EIF4G3: variants seen among roughly 807,000 people sequenced by gnomAD.
EIF4G3 encodes eIF-4-gamma 3.
In EIF4G3, 34 loss-of-function variants were observed where a neutral mutation model predicts 186.4. That is an observed-to-expected ratio of 0.18 (90% CI 0.14 to 0.24). The LOEUF is 0.24. Ranked by LOEUF, EIF4G3 falls within the 10% of genes least tolerant of loss-of-function variation. The pLI is 1.00. For missense variants in EIF4G3, 1,536 were observed against 1,948.5 expected, an observed-to-expected ratio of 0.79 and a Z score of 3.99; for synonymous variants, 673 against 679.5, an observed-to-expected ratio of 0.99 and a Z score of 0.15.
intron 13 of EIF4G3, among the ~76,000 whole-genome samples, chr1:20,949,717 C>T (rs2096123192): frequency 6.6e-6 from 1 of 152,142 alleles, no homozygotes; most frequent in Non-Finnish European, 1.5e-5. Context: ...TTTCTCCCTC[C>T]ACTTCCCACC....
intron 4 of EIF4G3, among the ~76,000 whole-genome samples, chr1:21,048,454 C>CCCTGGTTCCTGGTT (rs535129239): frequency 6.6e-6 from 1 of 152,034 alleles, no homozygotes; most frequent in Non-Finnish European, 1.5e-5. Flanking sequence ...GGGTTTTGCT[C>CCCTGGTTCCTGGTT]CCTGGTTCCT....
At chr1:20,966,135 TCCCTCG>T (rs1268793986) in intron 12 of EIF4G3, among the ~76,000 whole-genome samples, 1 of 152,190 alleles carries the variant, frequency 6.6e-6, no homozygotes, top group Non-Finnish European at 1.5e-5. Flanking sequence ...GACTGGGACT[TCCCTCG>T]GTGATAGGGA....
intron 4 of EIF4G3, among the ~76,000 whole-genome samples, chr1:21,005,683 G>A (rs1354646844): frequency 1.3e-5 from 2 of 152,108 alleles, no homozygotes; most frequent in Non-Finnish European, 2.9e-5. Context: ...CAAAGATAAA[G>A]TTCTTTTGTT....
At chr1:21,158,482 T>C (rs2097701279) in intron 2 of EIF4G3, among the ~76,000 whole-genome samples, 2 of 152,082 alleles carry the variant, frequency 1.3e-5, no homozygotes, top group African/African-American at 4.8e-5. Context: ...AGCCAATATA[T>C]AGTTAATTGA....
chr1:20,944,315 G>A (rs12133780), intron 13 of EIF4G3, among the ~76,000 whole-genome samples: 56,021 of 151,524 alleles, frequency 0.37, 10,985 homozygotes, highest in Non-Finnish European at 0.43. Context: ...AGGAATTTGC[G>A]ATAAGCCTCG....
Position 20,955,938 on chromosome 1 carries a change from C to T in EIF4G3, c.715-5827G>A, listed in dbSNP as rs539910338. Among the ~76,000 whole-genome samples, 4 of 152,102 alleles carry T rather than the reference C, an allele frequency of 2.6e-5. No homozygotes were observed. The South Asian group carries it at 6.2e-4, about 24-fold the overall frequency. On this transcript the variant is annotated intron_variant, in intron 12 of 36. Coordinates refer to ENST00000602326, the MANE Select transcript of EIF4G3 (RefSeq NM_001391906.1). ...AAATAACTGAGTACAGAGATCAAGT[C>T]AAAAATTGGGTATCTAACCTGAAGC... is the stretch of plus-strand genomic sequence containing the variant.
chr1:20,842,378 T>C (rs992556000), intron 29 of EIF4G3, among the ~76,000 whole-genome samples: 1 of 152,242 alleles, frequency 6.6e-6, no homozygotes, highest in African/African-American at 2.4e-5. Context: ...GGTTTCTTTT[T>C]TCTTTTGAGA....
chr1:20,808,115 C>G (rs919277133), intron 36 of EIF4G3, among the ~76,000 whole-genome samples: 1 of 151,776 alleles, frequency 6.6e-6, no homozygotes, highest in Non-Finnish European at 1.5e-5. Flanking sequence ...AACTCCTGAC[C>G]TCAGGTGATC....
At chr1:21,035,259 C>G (rs1387946337) in intron 4 of EIF4G3, among the ~76,000 whole-genome samples, 2 of 152,228 alleles carry the variant, frequency 1.3e-5, no homozygotes, top group African/African-American at 2.4e-5. Flanking sequence ...TGCACCTTAC[C>G]TGCCGTGGCT....
intron 4 of EIF4G3, among the ~76,000 whole-genome samples, chr1:21,029,468 G>T (rs555415606): frequency 8.2e-4 from 125 of 152,140 alleles, no homozygotes; most frequent in Admixed American, 1.7e-3. Context: ...ATTGAGTCGG[G>T]GGGGGGAAGG....
intron 9 of EIF4G3, 102 bp downstream of exon 9, chr1:20,980,946 C>G: frequency 1.0e-6 from 1 of 985,230 alleles, no homozygotes; most frequent in East Asian, 2.7e-5. Flanking sequence ...CACACGTCAC[C>G]GAAAACTAAT....
At chr1:21,154,768 T>C (rs560603942) in intron 2 of EIF4G3, among the ~76,000 whole-genome samples, 1 of 152,338 alleles carries the variant, frequency 6.6e-6, no homozygotes, top group African/African-American at 2.4e-5. Flanking sequence ...TATGCATCTA[T>C]GTATCTCTCC....
At chr1:21,101,133 T>G (rs2096509135) in intron 2 of EIF4G3, among the ~76,000 whole-genome samples, 1 of 152,096 alleles carries the variant, frequency 6.6e-6, no homozygotes, top group Non-Finnish European at 1.5e-5. Flanking sequence ...GATCAAAGTT[T>G]AACGGTAAAA....
intron 3 of EIF4G3, among the ~76,000 whole-genome samples, chr1:21,082,322 A>C (rs943155870): frequency 6.6e-6 from 1 of 151,796 alleles, no homozygotes. Flanking sequence ...CTTTTACTTC[A>C]TGACATAATC....
At chr1:21,148,927 T>C (rs2097503433) in intron 2 of EIF4G3, among the ~76,000 whole-genome samples, 1 of 151,866 alleles carries the variant, frequency 6.6e-6, no homozygotes, top group Admixed American at 6.6e-5. Flanking sequence ...CTTCAGAATG[T>C]TTTTTGAAAT....
intron 14 of EIF4G3, among the ~76,000 whole-genome samples, chr1:20,923,073 C>T (rs1360397082): frequency 6.6e-6 from 1 of 152,132 alleles, no homozygotes; most frequent in East Asian, 1.9e-4. Flanking sequence ...AACTGAAACA[C>T]AGATCTAACT....
rs867155601 is a variant in EIF4G3 at position 21,070,316 on chromosome 1, G to C, written c.-196+18822C>G. Among the ~76,000 whole-genome samples, 32 of 152,124 alleles carry C rather than the reference G, an allele frequency of 2.1e-4. No homozygotes were observed. The Middle Eastern group carries it at 0.027, about 129-fold the overall frequency. ...TTTTTGTTAAAAAAAAGAAAAAGTA[G>C]TGCCCTCTTTACCCTTCAAATCCCA... On this transcript the variant is annotated intron_variant, in intron 3 of 36. Coordinates refer to ENST00000602326, the MANE Select transcript of EIF4G3 (RefSeq NM_001391906.1).
intron 2 of EIF4G3, among the ~76,000 whole-genome samples, chr1:21,158,458 G>C (rs1025831195): frequency 2.6e-5 from 4 of 152,044 alleles, no homozygotes; most frequent in Non-Finnish European, 5.9e-5. Context: ...TTACAGGTGT[G>C]AGCCAACACA....
intron 12 of EIF4G3, among the ~76,000 whole-genome samples, chr1:20,968,175 C>CTTT (rs34957284): frequency 7.1e-6 from 1 of 140,898 alleles, no homozygotes; most frequent in Non-Finnish European, 1.6e-5. Flanking sequence ...AAATACAAAT[C>CTTT]TTTTTTTTTT....
Sources: gnomAD v4.1 joint callset for allele counts (sites outside exome capture counted in the v4.1 genomes callset) on GRCh38, gnomAD v4.1.1 for gene constraint, MANE v1.5 for transcripts, NCBI Gene and HGNC (gene_info 2026-07-23, HGNC 2026-07-21) for gene names.